Variants in FAM184A observed in about 807,000 individuals in gnomAD.
FAM184A encodes protein FAM184A.
In FAM184A, 99 loss-of-function variants were observed where a neutral mutation model predicts 143.8. The ratio of observed to expected loss-of-function variants is 0.69; its 90% CI spans 0.58 to 0.81. FAM184A has a LOEUF of 0.81. Among genes scored for constraint, FAM184A ranks in the 40% least tolerant of loss-of-function variants. The pLI, the probability that FAM184A is intolerant of heterozygous loss-of-function variation, is 0.00. For synonymous variants in FAM184A, 427 were observed against 446.4 expected (o/e 0.96, Z 0.55); for missense variants, 1,217 against 1,310.5 (o/e 0.93, Z 1.10).
At chr6:119,105,753 A>G (rs1258483159) in intron 1 of FAM184A, among the ~76,000 whole-genome samples, 2 of 152,182 alleles carry the variant, frequency 1.3e-5, no homozygotes, top group Non-Finnish European at 2.9e-5. Flanking sequence ...AATAATTTTC[A>G]TCTAATACAA....
chr6:119,115,970 A>AACACACACACACACACACACAC (rs66707302), intron 1 of FAM184A, among the ~76,000 whole-genome samples: 21 of 137,394 alleles, frequency 1.5e-4, no homozygotes, highest in South Asian at 2.4e-4. Context: ...CTCCGTCTCA[A>AACACACACACACACACACACAC]ACACACACAC....
chr6:119,004,310 C>T (rs1421342204), intron 7 of FAM184A, among the ~76,000 whole-genome samples: 1 of 152,196 alleles, frequency 6.6e-6, no homozygotes, highest in Admixed American at 6.5e-5. Flanking sequence ...GGTCTATCTT[C>T]CTGTTATCAC....
intron 1 of FAM184A, among the ~76,000 whole-genome samples, chr6:119,085,045 A>G (rs1582602122): frequency 6.6e-6 from 1 of 152,202 alleles, no homozygotes; most frequent in East Asian, 1.9e-4. Flanking sequence ...AATGGCTTGG[A>G]GGCCTTCTGC....
rs1442161776 is a variant in FAM184A, at chr6:119,069,190, A to G, written c.159+8951T>C. 3.1e-5 allele frequency: 7 copies of G among 225,434 alleles called. No individual in the cohort carries two copies. The South Asian group carries it at 4.0e-4, about 13-fold the overall frequency. The allele number at this position is 225,434 out of a possible 1,614,324, so 14.0% of individuals were successfully genotyped here. A position where few individuals can be genotyped will look rare whatever the true frequency, so the allele number is the denominator to read the frequency against. ...TAAATAATTAATAGTACCAAGCACA[A>G]TGTCTTTCATAAAGTAGGCATTCGA... On this transcript the variant is annotated intron_variant, in intron 1 of 17. Transcript: ENST00000338891.
chr6:119,006,484 C>T lies in FAM184A; in HGVS notation c.1778G>A (p.Ser593Asn). ...LQNELDLTKD[S>N]LKETKDALLN... is the part of the protein sequence containing the mutation. ...TAGAGCATCCTTGGTCTCCTTTAGG[C>T]TGTCTTTAGTCAAGTCAAGCTCATT... Residue 593 changes from serine to asparagine, a missense_variant, in exon 7 of 18, where the codon AGC (serine) becomes AAC (asparagine). By Grantham distance (46) the Ser-to-Asn change is conservative (BLOSUM62 1). Transcript: ENST00000338891. 2 of 1,613,966 alleles carry T rather than the reference C, an allele frequency of 1.2e-6. No individual in the cohort carries two copies. Among genetic ancestry groups the T allele is most frequent in the Non-Finnish European group, 1.7e-6 (2 of 1,179,958 alleles).
chr6:119,043,076 T>TAA (rs147461567), intron 1 of FAM184A, among the ~76,000 whole-genome samples: 3 of 151,846 alleles, frequency 2.0e-5, no homozygotes, highest in African/African-American at 7.3e-5. Flanking sequence ...TTCAATTTAT[T>TAA]AAAAATAAAT....
Position 119,002,986 on chromosome 6 carries a change from T to G in FAM184A, c.2001A>C (p.Ala667=), listed in dbSNP as rs774531080. 2 of 1,613,112 alleles carry G rather than the reference T, an allele frequency of 1.2e-6. No individual in the cohort carries two copies. Among genetic ancestry groups the G allele is most frequent in the East Asian group, 2.2e-5 (1 of 44,790 alleles). The change falls in exon 9 of 18, where the codon GCA becomes GCC. Residue 667 remains alanine (A), a synonymous_variant. Transcript: ENST00000338891. ...CTTTCAACTGCAAAAGTTGAGACATTGCTGACTTCTTATCCTCTTCATGTT... is the reference window on the plus strand; with the variant it reads ...CTTTCAACTGCAAAAGTTGAGACATGGCTGACTTCTTATCCTCTTCATGTT... ...RLQHEEDKKS[A]MSQLLQLKDR...
intron 1 of FAM184A, among the ~76,000 whole-genome samples, chr6:119,077,305 T>G (rs1490307475): frequency 1.3e-5 from 2 of 152,110 alleles, no homozygotes; most frequent in African/African-American, 4.8e-5. Context: ...TTAAACACAT[T>G]AAGGTATATC....
chr6:119,116,763 A>G (rs545980825), intron 1 of FAM184A, among the ~76,000 whole-genome samples: 8 of 152,324 alleles, frequency 5.3e-5, no homozygotes, highest in African/African-American at 9.6e-5. Flanking sequence ...AGGATTAAGG[A>G]GGACAGGAGG....
At chr6:118,995,071 T>C (rs1393338123) in intron 9 of FAM184A, among the ~76,000 whole-genome samples, 2 of 152,206 alleles carry the variant, frequency 1.3e-5, no homozygotes, top group African/African-American at 2.4e-5. Context: ...TGAAACAATA[T>C]TGATACTAGT....
intron 1 of FAM184A, among the ~76,000 whole-genome samples, chr6:119,094,401 C>T (rs1236739554): frequency 6.6e-6 from 1 of 152,056 alleles, no homozygotes; most frequent in Non-Finnish European, 1.5e-5. Context: ...AATTCCACTA[C>T]TGTTATAATT....
intron 1 of FAM184A, among the ~76,000 whole-genome samples, chr6:119,108,013 G>C (rs6569047): frequency 6.6e-6 from 1 of 151,526 alleles, no homozygotes; most frequent in Non-Finnish European, 1.5e-5. Flanking sequence ...TGTTCTATGC[G>C]TGACTAGGGT....
At chr6:119,005,960 C>T in intron 7 of FAM184A, 1 of 590,538 alleles carries the variant, frequency 1.7e-6, no homozygotes, top group Non-Finnish European at 3.1e-6. Flanking sequence ...TGAACTGGGT[C>T]CCCAAAAAGA....
chr6:119,126,519 G>A (rs1440463385), intron 1 of FAM184A, among the ~76,000 whole-genome samples: 1 of 152,224 alleles, frequency 6.6e-6, no homozygotes, highest in Non-Finnish European at 1.5e-5. Context: ...GTGGGTGCAA[G>A]AGCCAGGGCG....
At chr6:119,051,443 A>T (rs1442518591) in intron 1 of FAM184A, among the ~76,000 whole-genome samples, 3 of 152,190 alleles carry the variant, frequency 2.0e-5, no homozygotes, top group Non-Finnish European at 4.4e-5. Flanking sequence ...CAAAAGAAAA[A>T]AATGAATAAG....
At chr6:119,098,807 G>GA (rs1188862219) in intron 1 of FAM184A, among the ~76,000 whole-genome samples, 3 of 152,142 alleles carry the variant, frequency 2.0e-5, no homozygotes, top group African/African-American at 7.2e-5. Flanking sequence ...CTGAGTTTCT[G>GA]AAAAACAACT....
At chr6:119,118,102 G>A (rs1236605790) in intron 1 of FAM184A, among the ~76,000 whole-genome samples, 1 of 152,234 alleles carries the variant, frequency 6.6e-6, no homozygotes, top group Non-Finnish European at 1.5e-5. Flanking sequence ...CTGACCTGCA[G>A]TTATTAATTA....
intron 1 of FAM184A, among the ~76,000 whole-genome samples, chr6:119,055,815 C>G (rs778569651): frequency 6.6e-6 from 1 of 152,142 alleles, no homozygotes; most frequent in South Asian, 2.1e-4. Context: ...CAGCTCCTGT[C>G]TTGGCTACCT....
chr6:119,140,822 A>C (rs988376005), intron 1 of FAM184A, among the ~76,000 whole-genome samples: 6 of 152,218 alleles, frequency 3.9e-5, no homozygotes, highest in Admixed American at 3.9e-4. Context: ...ATTTACACAC[A>C]GCACTTTATT....
Sources: gnomAD v4.1 joint callset for allele counts (sites outside exome capture counted in the v4.1 genomes callset) on GRCh38, gnomAD v4.1.1 for gene constraint, MANE v1.5 for transcripts, NCBI Gene and HGNC (gene_info 2026-07-23, HGNC 2026-07-21) for gene names.